PCDHGA12: variants seen among roughly 807,000 people sequenced by gnomAD.
PCDHGA12 encodes the protein protocadherin gamma-A12.
Under a neutral mutation model 61.1 loss-of-function variants are expected in PCDHGA12, and 43 were observed. That is an observed-to-expected ratio of 0.70 (90% CI 0.55 to 0.91). The LOEUF is 0.91. Among genes scored for constraint, PCDHGA12 ranks in the 40% least tolerant of loss-of-function variants. The probability of loss-of-function intolerance (pLI) is 0.00; values close to 1 mark genes in which losing one functional copy is unlikely to be tolerated. For missense variants in PCDHGA12, 1,236 were observed against 1,227.7 expected (o/e 1.01, Z -0.10); for synonymous variants, 520 against 542.9 (o/e 0.96, Z 0.59).
At chr5:141,455,159 G>GT (rs1390145608) in intron 1 of PCDHGA12, among the ~76,000 whole-genome samples, 2,419 of 144,948 alleles carry the variant, frequency 0.017, 50 homozygotes, top group African/African-American at 0.056. Context: ...TTAGTTTGTT[G>GT]GTTTTTTTTT....
chr5:141,454,618 C>T (rs1259161504), intron 1 of PCDHGA12, among the ~76,000 whole-genome samples: 1 of 151,470 alleles, frequency 6.6e-6, no homozygotes, highest in Non-Finnish European at 1.5e-5. Flanking sequence ...GTTGGTCAGG[C>T]TGGTCTCGAA....
At chr5:141,439,796 G>C (rs980000701) in intron 1 of PCDHGA12, 4 of 152,318 alleles carry the variant, frequency 2.6e-5, no homozygotes, top group African/African-American at 9.6e-5. Flanking sequence ...AATCCAAGAA[G>C]AGTTTGAAAA....
At chr5:141,447,149 T>C (rs2098528211) in intron 1 of PCDHGA12, among the ~76,000 whole-genome samples, 1 of 152,212 alleles carries the variant, frequency 6.6e-6, no homozygotes, top group African/African-American at 2.4e-5. Flanking sequence ...TTTGTTTTTG[T>C]TTTTGTTTAA....
At chr5:141,450,006 CTTT>C (rs1554136305) in intron 1 of PCDHGA12, among the ~76,000 whole-genome samples, 9 of 132,974 alleles carry the variant, frequency 6.8e-5, no homozygotes, top group Admixed American at 7.8e-5. Context: ...TGCCATGTCT[CTTT>C]TTTTTTTTTT....
chr5:141,505,596 T>G (rs2099846990), intron 3 of PCDHGA12, 115 bp downstream of exon 3: 1 of 1,562,168 alleles, frequency 6.4e-7, no homozygotes, highest in African/African-American at 1.4e-5. Context: ...CTCCAGATCT[T>G]TCGGCAGGTC....
chr5:141,472,307 C>T (rs949288194), intron 1 of PCDHGA12, among the ~76,000 whole-genome samples: 2 of 150,368 alleles, frequency 1.3e-5, no homozygotes, highest in Admixed American at 6.6e-5. Flanking sequence ...TTTGGGAAGC[C>T]GAGGCAGGCA....
chr5:141,506,516 G>A (rs2099854579), intron 3 of PCDHGA12, among the ~76,000 whole-genome samples: 1 of 151,324 alleles, frequency 6.6e-6, no homozygotes, highest in Non-Finnish European at 1.5e-5. Flanking sequence ...CTGGCACCTG[G>A]CACCACCACT....
chr5:141,446,279 G>A (rs1326701686), intron 1 of PCDHGA12, among the ~76,000 whole-genome samples: 1 of 152,096 alleles, frequency 6.6e-6, no homozygotes, highest in African/African-American at 2.4e-5. Context: ...AAATACAATG[G>A]ATAAATGGGG....
chr5:141,435,973 G>T (rs1420195337), intron 1 of PCDHGA12, among the ~76,000 whole-genome samples: 1 of 152,028 alleles, frequency 6.6e-6, no homozygotes, highest in East Asian at 1.9e-4. Context: ...AGAGTGTGTG[G>T]TTCTACTTGT....
chr5:141,438,601 T>C (rs2098005462), intron 1 of PCDHGA12, among the ~76,000 whole-genome samples: 6 of 26,284 alleles, frequency 2.3e-4, no homozygotes, highest in African/African-American at 1.3e-3. Flanking sequence ...CATATATATA[T>C]ATATATATAT....
rs1562137828 is a variant in PCDHGA12 at position 141,490,359 on chromosome 5, T to C, written c.2425-4448T>C. On this transcript the variant is annotated intron_variant, in intron 1 of 3. Transcript: ENST00000252085. This position sits in a 1 kb window ranked among gnomAD's most constrained non-coding sequence, Gnocchi z 5.4. ...TGGGCACAGTAGTGGGGTTGTTTAA[T>C]GTGCGAGACCGGGACTCAGGTAGAA... The C allele has an allele frequency of 1.9e-6, 3 of 1,614,212 alleles. No individual in the cohort carries two copies. The highest frequency in any genetic ancestry group is 2.5e-6 in the Non-Finnish European group (3 of 1,180,036).
chr5:141,469,821 G>GTCAC (rs2099212195), intron 1 of PCDHGA12, among the ~76,000 whole-genome samples: 1 of 152,028 alleles, frequency 6.6e-6, no homozygotes, highest in African/African-American at 2.4e-5. Flanking sequence ...TAGAATGGAG[G>GTCAC]TCACATAAAA....
chr5:141,431,318 G>C lies in PCDHGA12; in HGVS notation c.559G>C (p.Asp187His). 1 of 1,614,086 alleles carries C rather than the reference G, an allele frequency of 6.2e-7. No homozygotes were observed. Among genetic ancestry groups the C allele is most frequent in the African/African-American group, 1.3e-5 (1 of 75,050 alleles). Residue 187 changes from aspartate (D) to histidine (H), a missense_variant, in exon 1 of 4, where the codon GAC becomes CAC. Transcript: ENST00000252085. The surrounding 1 kb of genome is among the most constrained non-coding windows in gnomAD (Gnocchi z 4.8). ...CTCCCTCATCGTGCAAAATGGAGCC[G>C]ACGGTAGTAAGTACCCCGAATTGGT... ...HFSLIVQNGADGSKYPELVLK... is the reference protein window; with the variant it reads ...HFSLIVQNGAHGSKYPELVLK...
rs138463062 is a variant in PCDHGA12 at position 141,485,217 on chromosome 5, C to G, written c.2425-9590C>G. 6.8e-6 allele frequency: 11 copies of G among 1,613,996 alleles called. No individual in the cohort carries two copies. Among genetic ancestry groups the G allele is most frequent in the Non-Finnish European group, 9.3e-6 (11 of 1,179,978 alleles). ...AGCTGGACAGAAATCTGGCGGTGGGCTACCCTTTTGTTCCTCTTTTACCAC... is the reference window on the plus strand; with the variant it reads ...AGCTGGACAGAAATCTGGCGGTGGGGTACCCTTTTGTTCCTCTTTTACCAC... On this transcript the variant is annotated intron_variant, in intron 1 of 3. Coordinates refer to ENST00000252085, the MANE Select transcript of PCDHGA12 (RefSeq NM_003735.3). This position sits in a 1 kb window ranked among gnomAD's most constrained non-coding sequence, Gnocchi z 5.7.
chr5:141,468,159 T>C (rs1408861467), intron 1 of PCDHGA12, among the ~76,000 whole-genome samples: 2 of 151,760 alleles, frequency 1.3e-5, no homozygotes, highest in Admixed American at 6.6e-5. Context: ...ACCCTGTCTC[T>C]GCTAAAAATA....
In PCDHGA12 at chr5:141,432,635, G is replaced by T. The variant is rs754354737; in HGVS notation, c.1876G>T (p.Val626Leu). 8.7e-6 allele frequency: 14 copies of T among 1,613,004 alleles called. No individual in the cohort carries two copies. The South Asian group carries it at 1.4e-4, about 16-fold the overall frequency. The change falls in exon 1 of 4, where the codon GTG (valine) becomes TTG (leucine). Residue 626 changes from valine to leucine, a missense_variant. Transcript: ENST00000252085. This position sits in a 1 kb window ranked among gnomAD's most constrained non-coding sequence, Gnocchi z 6.0. ...CTCGGTGGGTCTGCACACGGGCGAGGTGCGCACGGCGCGAGCCCTGCTGGA... is the reference window on the plus strand; with the variant it reads ...CTCGGTGGGTCTGCACACGGGCGAGTTGCGCACGGCGCGAGCCCTGCTGGA... ...LFSVGLHTGE[V>L]RTARALLDRD...
rs114918874 is a variant in PCDHGA12 at position 141,487,585 on chromosome 5, C to T, written c.2425-7222C>T. On this transcript the variant is annotated intron_variant, in intron 1 of 3. Transcript: ENST00000252085. This position sits in a 1 kb window ranked among gnomAD's most constrained non-coding sequence, Gnocchi z 5.0. Reference sequence around the variant, plus strand: ...CAGGGGAGCCTGTTCGCCCAAGCTGCCCACCCTCTGATCTTCTCTATGGGC... The same window carrying T: ...CAGGGGAGCCTGTTCGCCCAAGCTGTCCACCCTCTGATCTTCTCTATGGGC... 7,902 of 1,614,160 alleles carry T rather than the reference C, an allele frequency of 4.9e-3. 42 individuals are homozygous for T. The highest frequency in any genetic ancestry group is 8.8e-3 in the Admixed American group (531 of 60,020).
At chr5:141,498,361 T>C (rs1256361883) in intron 2 of PCDHGA12, among the ~76,000 whole-genome samples, 1 of 151,460 alleles carries the variant, frequency 6.6e-6, no homozygotes, top group African/African-American at 2.4e-5. Flanking sequence ...GCAAAAGCCT[T>C]GTGGTGAGGC....
chr5:141,484,000 G>C (rs1425172275), intron 1 of PCDHGA12, among the ~76,000 whole-genome samples: 1 of 147,812 alleles, frequency 6.8e-6, no homozygotes, highest in Admixed American at 6.8e-5. Context: ...TGGGAGGTCT[G>C]GATGAGGGTG....
Sources: gnomAD v4.1 joint callset for allele counts (sites outside exome capture counted in the v4.1 genomes callset) on GRCh38, gnomAD v4.1.1 for gene constraint, Gnocchi (gnomAD v3.1) non-coding constraint, MANE v1.5 for transcripts, NCBI Gene and HGNC (gene_info 2026-07-23, HGNC 2026-07-21) for gene names.